The following FGG variants were observed in gnomAD, a reference collection of about 807,000 sequenced individuals.
FGG encodes the protein fibrinogen, gamma polypeptide.
A neutral mutation model predicts 51.7 loss-of-function variants in FGG; 20 were observed. That is an observed-to-expected ratio of 0.39 (90% CI 0.27 to 0.56). FGG has a LOEUF of 0.56. FGG is among the 20% of genes least tolerant of loss of function. The pLI is 0.64. For missense variants in FGG, 460 were observed against 534.2 expected, an observed-to-expected ratio of 0.86 and a Z score of 1.37; for synonymous variants, 184 against 184.7, an observed-to-expected ratio of 1.00 and a Z score of 0.03.
intron 7 of FGG, among the ~76,000 whole-genome samples, chr4:154,607,183 A>G (rs1398495846): frequency 2.0e-5 from 3 of 152,136 alleles, no homozygotes; most frequent in Non-Finnish European, 4.4e-5. Flanking sequence ...ACTTCCCGGG[A>G]TGGGCCTAGA....
chr4:154,610,578 A>C (rs557401124), intron 4 of FGG, among the ~76,000 whole-genome samples: 1 of 152,306 alleles, frequency 6.6e-6, no homozygotes, highest in Non-Finnish European at 1.5e-5. Flanking sequence ...AGCAACCTGC[A>C]AGAGTGGCGG....
Position 154,604,494 on chromosome 4 carries a change from A to G in FGG, c.*340T>C. On this transcript the variant is annotated 3_prime_UTR_variant, in exon 9 of 9. Coordinates refer to ENST00000336098, the MANE Select transcript of FGG (RefSeq NM_021870.3). ...ATTTGAAACTCTAAAATGTTCTCCT[A>G]TTTTATTAAGTACATACTAAAATAT... The G allele has an allele frequency of 1.8e-6, 2 of 1,109,404 alleles. No homozygotes were observed. Among genetic ancestry groups the G allele is most frequent in the Non-Finnish European group, 1.2e-6 (1 of 809,422 alleles). 68.7% of individuals were successfully genotyped at this position (1,109,404 alleles called of 1,614,324 possible). A position where few individuals can be genotyped will look rare whatever the true frequency, so the allele number is the denominator to read the frequency against.
At chr4:154,609,062 G>A (rs75722163) in intron 6 of FGG, among the ~76,000 whole-genome samples, 207 of 152,294 alleles carry the variant, frequency 1.4e-3, no homozygotes, top group Middle Eastern at 6.8e-3. Context: ...TGTAGAAACA[G>A]TTATAACAGT....
rs559605083 is a variant in FGG at position 154,604,711 on chromosome 4, A to G, written c.*123T>C. Reference sequence around the variant, plus strand: ...CAGTCCTAAATGAGTTTTAATTTCCATTGAAGGCTAAATGTCCTTAATAGA... The same window carrying G: ...CAGTCCTAAATGAGTTTTAATTTCCGTTGAAGGCTAAATGTCCTTAATAGA... On this transcript the variant is annotated 3_prime_UTR_variant, in exon 9 of 9. Transcript: ENST00000336098. 6.6e-7 allele frequency: 1 copy of G among 1,516,034 alleles called. No homozygotes were observed. Among genetic ancestry groups the G allele is most frequent in the East Asian group, 2.4e-5 (1 of 42,288 alleles). The allele number at this position is 1,516,034 out of a possible 1,614,324, so 93.9% of individuals were successfully genotyped here.
chr4:154,605,107 C>CT (rs1475169289), intron 8 of FGG, 41 bp from the exon 9 acceptor site: 10 of 1,611,484 alleles, frequency 6.2e-6, no homozygotes, highest in Non-Finnish European at 8.5e-6. Flanking sequence ...ATTCTGGAAT[C>CT]TTTTTACCTC....
chr4:154,609,647 A>C lies in FGG; in HGVS notation c.649T>G (p.Trp217Gly), dbSNP rs781597393. The C allele has an allele frequency of 6.2e-7, 1 of 1,613,826 alleles. No homozygotes were observed. The highest frequency in any genetic ancestry group is 2.2e-5 in the East Asian group (1 of 44,876). ...AAAATTACCTTCTGAAACACAGTCCATCCATTTCCAGACCCATCGATTTCA... is the reference window on the plus strand; with the variant it reads ...AAAATTACCTTCTGAAACACAGTCCCTCCATTTCCAGACCCATCGATTTCA... ...YCEIDGSGNG[W>G]TVFQKRLDGS... is the part of the protein sequence containing the mutation. Residue 217 changes from tryptophan (W) to glycine (G), a missense_variant, in exon 6 of 9, where the codon TGG becomes GGG. Physicochemically the swap from Trp to Gly is radical, Grantham distance 184. This residue lies in a region of FGG where 353 missense variants were observed against 391.7 expected (regional missense o/e 0.90). Transcript: ENST00000336098.
Position 154,604,627 on chromosome 4 carries a change from A to T in FGG, c.*207T>A. Reference sequence around the variant, plus strand: ...TTATATATTTAGGAACAAAGTTGAAATGTTATCTCCTCAAATAAACAATTT... The same window carrying T: ...TTATATATTTAGGAACAAAGTTGAATTGTTATCTCCTCAAATAAACAATTT... On this transcript the variant is annotated 3_prime_UTR_variant, in exon 9 of 9. Transcript: ENST00000336098. 7.6e-7 allele frequency: 1 copy of T among 1,314,108 alleles called. No homozygotes were observed. Among genetic ancestry groups the T allele is most frequent in the Non-Finnish European group, 9.9e-7 (1 of 1,006,194 alleles). 81.4% of individuals were successfully genotyped at this position (1,314,108 alleles called of 1,614,324 possible). A position where few individuals can be genotyped will look rare whatever the true frequency, so the allele number is the denominator to read the frequency against.
intron 2 of FGG, 55 bp downstream of exon 2, chr4:154,612,336 T>TAGAAATAG: frequency 6.3e-7 from 1 of 1,597,462 alleles, no homozygotes; most frequent in Admixed American, 1.7e-5. Context: ...ATTATTTCTA[T>TAGAAATAG]TCCTCTGCCC....
intron 8 of FGG, among the ~76,000 whole-genome samples, chr4:154,605,276 A>G (rs1731077244): frequency 6.6e-6 from 1 of 152,186 alleles, no homozygotes; most frequent in African/African-American, 2.4e-5. Context: ...ACTCATAGTC[A>G]CATCCACACT....
At position 154,610,174 on chromosome 4, in the gene FGG, G is replaced by T; in HGVS notation, c.425C>A (p.Ser142Ter). Residue 142 changes from serine to a stop codon, truncating the protein, a stop_gained, in exon 5 of 9, where the codon TCA (serine) becomes TAA (stop). Coordinates refer to ENST00000336098, the MANE Select transcript of FGG (RefSeq NM_021870.3). LOFTEE classifies it high-confidence loss of function. ...SIRYLQEIYNSNNQKIVNLKE... is the reference protein window; with the variant it reads ...SIRYLQEIYN ...CAGGTTAACAATCTTTTGATTATTT[G>T]AATTATATATTTCCTGCAAATATCT... The T allele has an allele frequency of 6.3e-7, 1 of 1,588,188 alleles. No homozygotes were observed.
At chr4:154,611,125 G>A (rs1479900584) in intron 4 of FGG, 1 of 151,916 alleles carries the variant, frequency 6.6e-6, no homozygotes, top group Non-Finnish European at 1.5e-5. Context: ...CTTCTCCCTA[G>A]CTACTATTTA....
In FGG at chr4:154,604,647, C is replaced by G. The variant is rs1478634181; in HGVS notation, c.*187G>C. On this transcript the variant is annotated 3_prime_UTR_variant, in exon 9 of 9. Coordinates refer to ENST00000336098, the MANE Select transcript of FGG (RefSeq NM_021870.3). ...TTGAAATGTTATCTCCTCAAATAAA[C>G]AATTTTTAAATAACTCTGATATCAG... The G allele has an allele frequency of 7.3e-7, 1 of 1,369,180 alleles. No individual in the cohort carries two copies. Among genetic ancestry groups the G allele is most frequent in the Non-Finnish European group, 9.5e-7 (1 of 1,052,682 alleles). 84.8% of individuals were successfully genotyped at this position (1,369,180 alleles called of 1,614,324 possible). A position where few individuals can be genotyped will look rare whatever the true frequency, so the allele number is the denominator to read the frequency against.
At position 154,610,922 on chromosome 4, in the gene FGG, CCGTT is replaced by C. The variant is rs1731199533; in HGVS notation, c.402-729_402-726del. 2.0e-5 allele frequency among the ~76,000 whole-genome samples: 3 copies of C among 152,228 alleles called. No homozygotes were observed. In the South Asian group the frequency reaches 6.2e-4, roughly 32 times the overall value. On this transcript the variant is annotated intron_variant, in intron 4 of 8. Transcript: ENST00000336098. ...TAGAAAACTGTCTACAATGCATAAA[CCGTT>C]CTTTCTTTGAAGTAAAAAAGGGTAG...
Position 154,606,868 on chromosome 4 carries a change from G to A in FGG, c.966C>T (p.Gly322=), listed in dbSNP as rs146218442. ...TGAAAAACTTGTCACTAGGATCATCGCCAAAATCAAAGCCATCAAAGGCAT... is the reference window on the plus strand; with the variant it reads ...TGAAAAACTTGTCACTAGGATCATCACCAAAATCAAAGCCATCAAAGGCAT... ...AGDAFDGFDF[G]DDPSDKFFTS... The change falls in exon 8 of 9, where the codon GGC becomes GGT. Residue 322 remains glycine (G), a synonymous_variant. Coordinates refer to ENST00000336098, the MANE Select transcript of FGG (RefSeq NM_021870.3). 4.1e-5 allele frequency: 66 copies of A among 1,613,696 alleles called. No homozygotes were observed. The highest frequency in any genetic ancestry group is 8.3e-5 in the Admixed American group (5 of 59,964).
At chr4:154,612,274 C>T in intron 2 of FGG, 73 bp from the exon 3 acceptor site, 2 of 1,587,648 alleles carry the variant, frequency 1.3e-6, no homozygotes, top group South Asian at 2.2e-5. Flanking sequence ...ATAGGTAAAA[C>T]CTAGACTATG....
At chr4:154,607,942 A>C (rs1194675019) in intron 7 of FGG, among the ~76,000 whole-genome samples, 2 of 152,180 alleles carry the variant, frequency 1.3e-5, no homozygotes, top group South Asian at 2.1e-4. Flanking sequence ...GTTTACTTTT[A>C]GGGTAGCTCA....
At chr4:154,605,133 A>G in intron 8 of FGG, 67 bp from the exon 9 acceptor site, 2 of 1,573,802 alleles carry the variant, frequency 1.3e-6, no homozygotes, top group African/African-American at 1.3e-5. Context: ...GTCTATGAAG[A>G]GCTGTCTATT....
At chr4:154,605,480 G>A (rs1300252466) in intron 8 of FGG, among the ~76,000 whole-genome samples, 2 of 152,092 alleles carry the variant, frequency 1.3e-5, no homozygotes, top group African/African-American at 4.8e-5. Context: ...GTTGATTGAG[G>A]AGCTTTAGGA....
chr4:154,611,928 C>T (rs1731221842), intron 3 of FGG, 30 bp from the exon 4 acceptor site: 2 of 1,604,874 alleles, frequency 1.2e-6, no homozygotes, highest in South Asian at 1.1e-5. Flanking sequence ...ACATAAAAAT[C>T]CTTAAGCAAA....
Sources: gnomAD v4.1 joint callset for allele counts (sites outside exome capture counted in the v4.1 genomes callset) on GRCh38, gnomAD v4.1.1 for gene constraint, gnomAD v4.1.1 regional missense constraint, MANE v1.5 for transcripts, NCBI Gene and HGNC (gene_info 2026-07-23, HGNC 2026-07-21) for gene names.